SLC39A4: variants seen among roughly 807,000 people sequenced by gnomAD.
SLC39A4 encodes the protein solute carrier family 39 member 4, also known as zinc transporter ZIP4.
Under a neutral mutation model 56.6 loss-of-function variants are expected in SLC39A4, and 49 were observed. The observed-to-expected ratio is 0.87, with a 90% confidence interval of 0.69 to 1.10. SLC39A4 has a LOEUF of 1.10. Among genes scored for constraint, SLC39A4 ranks in the 50% least tolerant of loss-of-function variants. SLC39A4 has a pLI of 0.00. For missense variants in SLC39A4, 993 were observed against 864.2 expected (o/e 1.15, Z -1.87); for synonymous variants, 540 against 420.4 (o/e 1.28, Z -3.48).
Position 144,412,855 on chromosome 8 carries a change from G to C in SLC39A4, c.1719C>G (p.Leu573=), listed in dbSNP as rs782140094. ...TGACTCCAACCGCGAGTGCCACGTA[G>C]AGACCAGCGAAGGCCGTGAGCGCGG... ...LASALTAFAG[L]YVALAVGVSE... The change falls in exon 11 of 12, where the codon CTC becomes CTG. Residue 573 remains leucine, a synonymous_variant. Coordinates refer to ENST00000301305, the MANE Select transcript of SLC39A4 (RefSeq NM_130849.4). 1.2e-6 allele frequency: 2 copies of C among 1,612,376 alleles called. No individual in the cohort carries two copies. The highest frequency in any genetic ancestry group is 1.7e-5 in the Admixed American group (1 of 59,984).
At chr8:144,415,709 C>T in intron 2 of SLC39A4, 101 bp downstream of exon 2, 1 of 1,432,028 alleles carries the variant, frequency 7.0e-7, no homozygotes, top group Non-Finnish European at 9.2e-7. Flanking sequence ...GGCGTCTCCC[C>T]AGGCCCCCAG....
At chr8:144,413,011 G>A in intron 10 of SLC39A4, 65 bp from the exon 11 acceptor site, 1 of 1,530,330 alleles carries the variant, frequency 6.5e-7, no homozygotes, top group Non-Finnish European at 8.7e-7. Context: ...CCTCCTTTCG[G>A]TCCCGCCCTC....
intron 3 of SLC39A4, 30 bp downstream of exon 3, chr8:144,415,196 GC>G (rs782333198): frequency 1.4e-5 from 23 of 1,612,464 alleles, no homozygotes; most frequent in Admixed American, 8.3e-5. Context: ...ACTCGGGGGT[GC>G]CCCCCTCCAC....
intron 1 of SLC39A4, 156 bp from the exon 2 acceptor site, chr8:144,416,247 C>T (rs782187046): frequency 3.8e-6 from 6 of 1,568,912 alleles, no homozygotes; most frequent in Non-Finnish European, 5.2e-6. Flanking sequence ...CTCCCCAGGC[C>T]CCTGTCCTGC....
At chr8:144,415,727 G>C in intron 2 of SLC39A4, 83 bp downstream of exon 2, 19 of 1,451,640 alleles carry the variant, frequency 1.3e-5, no homozygotes, top group Non-Finnish European at 1.7e-5. Flanking sequence ...CAGGCTCCCC[G>C]AAGGCTTTGC....
At position 144,414,171 on chromosome 8, in the gene SLC39A4, A is replaced by T. The variant is rs1012165494; in HGVS notation, c.1150-76T>A. ...CCAAGACCCAGGGAGAGGGGTCAGGAGGTGGGGTGGGTAAGGTCCCTGGGA... is the reference window on the plus strand; with the variant it reads ...CCAAGACCCAGGGAGAGGGGTCAGGTGGTGGGGTGGGTAAGGTCCCTGGGA... On this transcript the variant is annotated intron_variant, in intron 6 of 11. Transcript: ENST00000301305. 23 of 1,566,304 alleles carry T rather than the reference A, an allele frequency of 1.5e-5. No homozygotes were observed. The African/African-American group carries it at 2.7e-4, about 19-fold the overall frequency.
Position 144,415,820 on chromosome 8 carries a change from G to T in SLC39A4, c.464C>A (p.Thr155Asn), listed in dbSNP as rs1324611721. The change falls in exon 2 of 12, where the codon ACC (threonine) becomes AAC (asparagine). Residue 155 changes from threonine (T) to asparagine (N), a missense_variant. By Grantham distance (65) the Thr-to-Asn change is moderately conservative (BLOSUM62 0). Coordinates refer to ENST00000301305, the MANE Select transcript of SLC39A4 (RefSeq NM_130849.4). The part of the protein sequence containing the change: ...QRMQARAAGQ[T>N]PKMACVDIPQ... ...TGGACTCTCCCTCACCATCTTGGGG[G>T]TCTGGCCGGCAGCCCGGGCCTGCAT... The T allele has an allele frequency of 1.9e-6, 3 of 1,594,640 alleles. No individual in the cohort carries two copies. Among genetic ancestry groups the T allele is most frequent in the East Asian group, 2.2e-5 (1 of 44,626 alleles).
In SLC39A4 at chr8:144,414,347, C is replaced by T. The variant is rs77880953; in HGVS notation, c.1064G>A (p.Gly355Glu). ...LLLLTCTGCR[G>E]VTHYILQTFL... ...GGTCTGCAGGATGTAGTGGGTGACC[C>T]CCCTGCAGCCAGTGCAGGTCAGCAG... The change falls in exon 6 of 12, where the codon GGG becomes GAG. Residue 355 changes from glycine to glutamate, a missense_variant. Coordinates refer to ENST00000301305, the MANE Select transcript of SLC39A4 (RefSeq NM_130849.4). The T allele has an allele frequency of 3.1e-6, 5 of 1,592,406 alleles. No individual in the cohort carries two copies. Among genetic ancestry groups the T allele is most frequent in the African/African-American group, 1.3e-5 (1 of 74,884 alleles).
rs781837773 is a variant in SLC39A4 at position 144,416,225 on chromosome 8, G to A, written c.193-134C>T. ...GTCCACCATCCTCTCTCAACCCCTG[G>A]CGCCCTTCCGTCTCCCCAGGCCCCT... is the stretch of plus-strand genomic sequence containing the variant. On this transcript the variant is annotated intron_variant, in intron 1 of 11. Coordinates refer to ENST00000301305, the MANE Select transcript of SLC39A4 (RefSeq NM_130849.4). 3 of 1,583,504 alleles carry A rather than the reference G, an allele frequency of 1.9e-6. No homozygotes were observed. In the South Asian group the frequency reaches 3.4e-5, roughly 18 times the overall value.
chr8:144,413,608 A>G lies in SLC39A4; in HGVS notation c.1420-41T>C, dbSNP rs1554872490. On this transcript the variant is annotated intron_variant, in intron 8 of 11. Coordinates refer to ENST00000301305, the MANE Select transcript of SLC39A4 (RefSeq NM_130849.4). ...AGTAAGTCCCGCCCGGAAGTGGAGG[A>G]GGAACGCGGTGGGGCGGGGCGGGGC... 8 of 1,548,420 alleles carry G rather than the reference A, an allele frequency of 5.2e-6. No homozygotes were observed. The African/African-American group carries it at 1.1e-4, about 21-fold the overall frequency.
At chr8:144,414,214 C>G in intron 6 of SLC39A4, 48 bp downstream of exon 6, 1 of 1,595,128 alleles carries the variant, frequency 6.3e-7, no homozygotes, top group Middle Eastern at 1.8e-4. Context: ...GCCTGGGAGT[C>G]CATGGTGGGG....
intron 3 of SLC39A4, 50 bp from the exon 4 acceptor site, chr8:144,415,160 G>C (rs781805548): frequency 6.2e-7 from 1 of 1,612,730 alleles, no homozygotes; most frequent in South Asian, 1.1e-5. Context: ...CTCCGGCCCT[G>C]CCCCCCAGGG....
Position 144,415,409 on chromosome 8 carries a change from T to C in SLC39A4, c.485A>G (p.Asp162Gly), listed in dbSNP as rs1822134189. 1 of 1,603,396 alleles carries C rather than the reference T, an allele frequency of 6.2e-7. No individual in the cohort carries two copies. Among genetic ancestry groups the C allele is most frequent in the African/African-American group, 1.3e-5 (1 of 74,698 alleles). ...AGQTPKMACV[D>G]IPQLLEEAVG... The stretch of plus-strand genomic sequence containing the variant: ...CGCCTCCTCCAGCAGCTGAGGGATA[T>C]CTACGCAGGCCTGGGGAAGAGGGGG... Residue 162 changes from aspartate to glycine, a missense_variant, in exon 3 of 12, where the codon GAT becomes GGT. Transcript: ENST00000301305.
rs1821954200 is a variant in SLC39A4, at chr8:144,412,962, C to A, written c.1628-16G>T. The stretch of plus-strand genomic sequence containing the variant: ...GCGAAGTCCCCTGCGGGCGAGTCCA[C>A]ATTAACAGCTCCGCCCTCCTAGCTA... On this transcript the variant is annotated splice_polypyrimidine_tract_variant and intron_variant, in intron 10 of 11. Transcript: ENST00000301305. 6.3e-7 allele frequency: 1 copy of A among 1,583,858 alleles called. No individual in the cohort carries two copies. Among genetic ancestry groups the A allele is most frequent in the Non-Finnish European group, 8.5e-7 (1 of 1,171,410 alleles).
Position 144,413,889 on chromosome 8 carries a change from G to A in SLC39A4, c.1288-8C>T, listed in dbSNP as rs1280085862. The stretch of plus-strand genomic sequence containing the variant: ...GGGCCCGTCCTCCAGGTCCTGTGAG[G>A]GTAGGTGCTCAGTGTCCACCAGGCC... On this transcript the variant is annotated splice_region_variant and splice_polypyrimidine_tract_variant and intron_variant, in intron 7 of 11. Transcript: ENST00000301305. The A allele has an allele frequency of 6.2e-7, 1 of 1,608,432 alleles. No homozygotes were observed. The highest frequency in any genetic ancestry group is 8.5e-7 in the Non-Finnish European group (1 of 1,178,646).
chr8:144,414,438 G>C lies in SLC39A4; in HGVS notation c.977-4C>G. 1 of 1,553,798 alleles carries C rather than the reference G, an allele frequency of 6.4e-7. No homozygotes were observed. Among genetic ancestry groups the C allele is most frequent in the Non-Finnish European group, 8.7e-7 (1 of 1,148,916 alleles). On this transcript the variant is annotated splice_region_variant and splice_polypyrimidine_tract_variant and intron_variant, in intron 5 of 11. Coordinates refer to ENST00000301305, the MANE Select transcript of SLC39A4 (RefSeq NM_130849.4). ...GCCAGGGAGCCGTACAGATACCCTG[G>C]GGGCGGGTGAGGCGGCTGTGAGAGC...
At position 144,412,500 on chromosome 8, in the gene SLC39A4, G is replaced by A; in HGVS notation, c.*38C>T. 6.2e-7 allele frequency: 1 copy of A among 1,614,004 alleles called. No homozygotes were observed. Among genetic ancestry groups the A allele is most frequent in the Non-Finnish European group, 8.5e-7 (1 of 1,180,004 alleles). Reference sequence around the variant, plus strand: ...TCTGGGCTGTAGGTTTGTGAGGTGTGGGATCTTAAGTCAAAGGTGGGGGAC... The same window carrying A: ...TCTGGGCTGTAGGTTTGTGAGGTGTAGGATCTTAAGTCAAAGGTGGGGGAC... On this transcript the variant is annotated 3_prime_UTR_variant, in exon 12 of 12. Coordinates refer to ENST00000301305, the MANE Select transcript of SLC39A4 (RefSeq NM_130849.4).
rs201676143 is a variant in SLC39A4 at position 144,414,040 on chromosome 8, C to T, written c.1205G>A (p.Arg402His). 4.3e-5 allele frequency: 68 copies of T among 1,584,120 alleles called. 1 individual carries two copies. The highest frequency in any genetic ancestry group is 1.1e-4 in the South Asian group (10 of 87,488). Residue 402 changes from arginine (R) to histidine (H), a missense_variant, in exon 7 of 12, where the codon CGC (arginine) becomes CAC (histidine). Arg to His is a conservative substitution (Grantham distance 29). Transcript: ENST00000301305. ...GAGCCCGGCCAGCATAGCCAGGAGG[C>T]GCCAGGTGGGCTGTGGGCTGAGGCC... ...EEGLSPQPTW[R>H]LLAMLAGLYA...
At chr8:144,415,507 T>C (rs2130801436) in intron 2 of SLC39A4, 88 bp from the exon 3 acceptor site, 1 of 1,411,464 alleles carries the variant, frequency 7.1e-7, no homozygotes, top group South Asian at 1.3e-5. Context: ...CCACCCCAAC[T>C]ACAGGATCTG....
Sources: gnomAD v4.1 joint callset for allele counts on GRCh38, gnomAD v4.1.1 for gene constraint, MANE v1.5 for transcripts, NCBI Gene and HGNC (gene_info 2026-07-23, HGNC 2026-07-21) for gene names.